The following HPSE2 variants were observed in gnomAD, a reference collection of about 807,000 sequenced individuals.
The protein encoded by HPSE2 is heparanase 2 (inactive).
In HPSE2, 38 loss-of-function variants were observed where a neutral mutation model predicts 60.5. The ratio of observed to expected loss-of-function variants is 0.63; its 90% CI spans 0.48 to 0.82. The LOEUF (loss-of-function observed/expected upper bound fraction) is 0.82, where lower values mean the gene tolerates loss of function less well. HPSE2 is among the 40% of genes least tolerant of loss of function. The pLI is 0.00. For synonymous variants in HPSE2, 295 were observed against 293.2 expected, an observed-to-expected ratio of 1.01 and a Z score of -0.06; for missense variants, 713 against 740.4, an observed-to-expected ratio of 0.96 and a Z score of 0.43.
intron 3 of HPSE2, among the ~76,000 whole-genome samples, chr10:98,876,920 T>C (rs1419271934): frequency 6.6e-6 from 1 of 151,920 alleles, no homozygotes; most frequent in Non-Finnish European, 1.5e-5. Flanking sequence ...TACCTGAATC[T>C]CATTACTTAA....
chr10:99,084,085 G>T (rs1843237830), intron 3 of HPSE2, among the ~76,000 whole-genome samples: 1 of 149,388 alleles, frequency 6.7e-6, no homozygotes, highest in African/African-American at 2.5e-5. Context: ...TTGGAAAAGG[G>T]CTGTCATTCA....
chr10:99,228,893 G>T (rs570543262), intron 2 of HPSE2, among the ~76,000 whole-genome samples: 1 of 152,236 alleles, frequency 6.6e-6, no homozygotes, highest in Admixed American at 6.5e-5. Flanking sequence ...TCACATCGGG[G>T]CCAGGCACAG....
At chr10:98,775,068 T>C (rs140737652) in intron 3 of HPSE2, among the ~76,000 whole-genome samples, 1 of 152,228 alleles carries the variant, frequency 6.6e-6, no homozygotes, top group East Asian at 1.9e-4. Flanking sequence ...TTTCTCCATA[T>C]GCTGAGAGAT....
intron 9 of HPSE2, among the ~76,000 whole-genome samples, chr10:98,532,170 C>T (rs1208355137): frequency 3.3e-5 from 5 of 152,134 alleles, no homozygotes; most frequent in Non-Finnish European, 7.3e-5. Context: ...CTGAGAAGCT[C>T]TTTGAGAGCT....
At chr10:98,690,223 C>T (rs1204046197) in intron 6 of HPSE2, among the ~76,000 whole-genome samples, 1 of 152,132 alleles carries the variant, frequency 6.6e-6, no homozygotes, top group Admixed American at 6.5e-5. Flanking sequence ...TTCTAGTTAC[C>T]TCCCGATGCA....
At chr10:98,881,563 C>T (rs1953023980) in intron 3 of HPSE2, among the ~76,000 whole-genome samples, 1 of 152,040 alleles carries the variant, frequency 6.6e-6, no homozygotes, top group Non-Finnish European at 1.5e-5. Flanking sequence ...AGTGAAGGTA[C>T]TAACAAAACA....
chr10:99,063,000 C>T (rs894397949), intron 3 of HPSE2, among the ~76,000 whole-genome samples: 1 of 152,100 alleles, frequency 6.6e-6, no homozygotes, highest in Non-Finnish European at 1.5e-5. Context: ...TTCTACTTTC[C>T]CTTGTCATGG....
intron 3 of HPSE2, among the ~76,000 whole-genome samples, chr10:98,926,084 T>C (rs1954452643): frequency 6.6e-6 from 1 of 152,142 alleles, no homozygotes; most frequent in Non-Finnish European, 1.5e-5. Context: ...TGTCATTGCC[T>C]TTTAAAATAC....
intron 3 of HPSE2, among the ~76,000 whole-genome samples, chr10:98,922,886 T>C (rs563039197): frequency 2.0e-5 from 3 of 152,236 alleles, no homozygotes; most frequent in Non-Finnish European, 1.5e-5. Context: ...TATCTTTGAT[T>C]GGTTCATCGT....
chr10:98,669,572 T>G (rs1947453974), intron 6 of HPSE2, among the ~76,000 whole-genome samples: 1 of 152,224 alleles, frequency 6.6e-6, no homozygotes, highest in Non-Finnish European at 1.5e-5. Context: ...TTGTGTCCTT[T>G]GCAGCAACAT....
intron 9 of HPSE2, among the ~76,000 whole-genome samples, chr10:98,495,872 A>T (rs926713409): frequency 9.2e-5 from 14 of 152,070 alleles, no homozygotes; most frequent in African/African-American, 3.4e-4. Flanking sequence ...TTTTTCAATA[A>T]TGGTTTCTAT....
intron 3 of HPSE2, chr10:98,924,677 G>A (rs80242612): frequency 0.026 from 4,026 of 152,322 alleles, 131 homozygotes; most frequent in East Asian, 0.15. Context: ...GGGTTTGGGG[G>A]AGGGATGACT....
At chr10:98,981,265 T>A (rs1956199138) in intron 3 of HPSE2, among the ~76,000 whole-genome samples, 1 of 152,214 alleles carries the variant, frequency 6.6e-6, no homozygotes, top group African/African-American at 2.4e-5. Context: ...ATGCTCTCCA[T>A]CTGCCTTATA....
intron 3 of HPSE2, among the ~76,000 whole-genome samples, chr10:98,959,358 G>GAAA (rs540992148): frequency 3.9e-5 from 3 of 77,462 alleles, no homozygotes; most frequent in Non-Finnish European, 8.8e-5. Flanking sequence ...ACTATCTCTG[G>GAAA]AAAAAAAAAA....
intron 3 of HPSE2, among the ~76,000 whole-genome samples, chr10:99,140,015 T>C (rs941210594): frequency 5.5e-4 from 84 of 152,230 alleles, no homozygotes; most frequent in African/African-American, 1.9e-3. Context: ...TGCAAATAAA[T>C]AGCACACAAT....
At chr10:99,138,753 G>A (rs772622784) in intron 3 of HPSE2, among the ~76,000 whole-genome samples, 1 of 152,166 alleles carries the variant, frequency 6.6e-6, no homozygotes, top group African/African-American at 2.4e-5. Flanking sequence ...GCGATGGGGG[G>A]CTAGGGGAGG....
intron 6 of HPSE2, among the ~76,000 whole-genome samples, chr10:98,645,763 G>A (rs961328483): frequency 1.3e-5 from 2 of 152,090 alleles, no homozygotes; most frequent in African/African-American, 4.8e-5. Flanking sequence ...CGGATCATGA[G>A]GTCAGGAGAT....
At chr10:98,874,924 A>G (rs1589990177) in intron 3 of HPSE2, among the ~76,000 whole-genome samples, 2 of 151,968 alleles carry the variant, frequency 1.3e-5, no homozygotes, top group African/African-American at 4.8e-5. Flanking sequence ...ACTGATTTGC[A>G]TATGTTGAAC....
At chr10:98,701,905 G>A (rs1948421171) in intron 5 of HPSE2, among the ~76,000 whole-genome samples, 1 of 152,090 alleles carries the variant, frequency 6.6e-6, no homozygotes, top group Non-Finnish European at 1.5e-5. Context: ...ATCAACAAGT[G>A]TGCAAAATAA....
Sources: gnomAD v4.1 joint callset for allele counts (sites outside exome capture counted in the v4.1 genomes callset) on GRCh38, gnomAD v4.1.1 for gene constraint, MANE v1.5 for transcripts, NCBI Gene and HGNC (gene_info 2026-07-23, HGNC 2026-07-21) for gene names.